FLT1: variants seen among roughly 807,000 people sequenced by gnomAD.
The protein encoded by FLT1 is vascular endothelial growth factor receptor 1.
FLT1 carries 49 observed loss-of-function variants against 156.3 expected under a neutral mutation model. The observed-to-expected ratio is 0.31, with a 90% CI of 0.25 to 0.40. The LOEUF (loss-of-function observed/expected upper bound fraction) is 0.40, where lower values mean the gene tolerates loss of function less well. FLT1 is among the 10% of genes least tolerant of loss of function. The probability of loss-of-function intolerance (pLI) is 1.00; values close to 1 mark genes in which losing one functional copy is unlikely to be tolerated. For missense variants in FLT1, 1,322 were observed against 1,637.2 expected (o/e 0.81, Z 3.32); for synonymous variants, 594 against 583.8 (o/e 1.02, Z -0.25).
chr13:28,410,991 G>C (rs1876132680), intron 10 of FLT1, among the ~76,000 whole-genome samples: 2 of 152,194 alleles, frequency 1.3e-5, no homozygotes, highest in East Asian at 3.9e-4. Flanking sequence ...CTGGCTCAGA[G>C]TCACCTGTTA....
intron 1 of FLT1, among the ~76,000 whole-genome samples, chr13:28,492,077 C>CA (rs145737813): frequency 2.6e-5 from 4 of 151,036 alleles, no homozygotes; most frequent in Non-Finnish European, 5.9e-5. Context: ...CAATTTAGAC[C>CA]AAAAAAAAGT....
intron 15 of FLT1, among the ~76,000 whole-genome samples, chr13:28,349,442 ACACACACACACACACACATGCGCACACG>A (rs1328687982): frequency 6.7e-6 from 1 of 150,110 alleles, no homozygotes; most frequent in African/African-American, 2.5e-5. Context: ...ACACACACAC[ACACACACACACACACACATGCGCACACG>A]CACACACACA....
chr13:28,457,608 A>T (rs1879336851), intron 3 of FLT1, among the ~76,000 whole-genome samples: 1 of 152,252 alleles, frequency 6.6e-6, no homozygotes, highest in Admixed American at 6.5e-5. Flanking sequence ...GAATATTAGA[A>T]CTGGAAGGAC....
chr13:28,389,571 G>A, intron 13 of FLT1: 1 of 1,438,190 alleles, frequency 7.0e-7, no homozygotes, highest in Non-Finnish European at 9.1e-7. Flanking sequence ...CTGGGGCCCG[G>A]GGGTCTCATT....
intron 7 of FLT1, 85 bp downstream of exon 7, chr13:28,431,051 C>T: frequency 8.0e-7 from 1 of 1,256,254 alleles, no homozygotes; most frequent in Non-Finnish European, 1.2e-6. Context: ...TCTTGGCCAA[C>T]AGAAAACTGA....
chr13:28,454,804 G>T (rs1054666752), intron 3 of FLT1, among the ~76,000 whole-genome samples: 1 of 152,146 alleles, frequency 6.6e-6, no homozygotes, highest in African/African-American at 2.4e-5. Context: ...TAGCAAGCTT[G>T]CAGGACACAA....
intron 3 of FLT1, among the ~76,000 whole-genome samples, chr13:28,440,647 T>C (rs759210109): frequency 5.9e-5 from 9 of 152,082 alleles, no homozygotes; most frequent in Non-Finnish European, 1.2e-4. Flanking sequence ...AGGGAGGTGG[T>C]TCAGAGTACG....
chr13:28,309,908 G>A (rs1396581062), intron 27 of FLT1, among the ~76,000 whole-genome samples: 4 of 23,146 alleles, frequency 1.7e-4, no homozygotes, highest in Non-Finnish European at 3.3e-4. Context: ...TTTTTTTTTG[G>A]AGACAGAGCC....
intron 13 of FLT1, chr13:28,389,161 C>G: frequency 4.7e-6 from 5 of 1,056,090 alleles, no homozygotes; most frequent in Non-Finnish European, 5.7e-6. Flanking sequence ...AAAAAAAAAG[C>G]ATTTTCAAAT....
chr13:28,486,139 C>G (rs891260675), intron 1 of FLT1, among the ~76,000 whole-genome samples: 1 of 152,164 alleles, frequency 6.6e-6, no homozygotes, highest in Non-Finnish European at 1.5e-5. Context: ...AATAAAAGCA[C>G]CAAAGTGGAG....
At chr13:28,456,531 C>T (rs2137598469) in intron 3 of FLT1, among the ~76,000 whole-genome samples, 1 of 152,232 alleles carries the variant, frequency 6.6e-6, no homozygotes, top group Non-Finnish European at 1.5e-5. Context: ...GGCACAGTGG[C>T]TCATGCCTGT....
chr13:28,323,456 A>G (rs890282189), intron 20 of FLT1, among the ~76,000 whole-genome samples: 7 of 152,152 alleles, frequency 4.6e-5, no homozygotes, highest in African/African-American at 1.4e-4. Flanking sequence ...GTTTGAGATC[A>G]GCCTGACCAA....
intron 17 of FLT1, among the ~76,000 whole-genome samples, chr13:28,334,893 G>A (rs76818116): frequency 6.6e-6 from 1 of 151,978 alleles, no homozygotes; most frequent in Non-Finnish European, 1.5e-5. Context: ...TACTCTGGGG[G>A]GCAAGGACCA....
In FLT1 at chr13:28,301,857, G is replaced by C. The variant is rs1467238990; in HGVS notation, c.*1310C>G. On this transcript the variant is annotated 3_prime_UTR_variant, in exon 30 of 30. Coordinates refer to ENST00000282397, the MANE Select transcript of FLT1 (RefSeq NM_002019.4). ...GTGATGGCTCATTAACTAATATCCT[G>C]AGTCCCAACTGGAGAAATACCTTGC... 3 of 233,404 alleles carry C rather than the reference G, an allele frequency of 1.3e-5. No individual in the cohort carries two copies. The highest frequency in any genetic ancestry group is 6.0e-5 in the East Asian group (1 of 16,584). The allele number at this position is 233,404 out of a possible 1,614,324, so 14.5% of individuals were successfully genotyped here. A position where few individuals can be genotyped will look rare whatever the true frequency, so the allele number is the denominator to read the frequency against.
chr13:28,356,656 GA>G lies in FLT1; in HGVS notation c.2248+897del, dbSNP rs538203452. Among the ~76,000 whole-genome samples the G allele has an allele frequency of 2.2e-4, 34 of 152,228 alleles. 1 individual carries two copies. In the South Asian group the frequency reaches 4.8e-3, roughly 21 times the overall value. On this transcript the variant is annotated intron_variant, in intron 15 of 29. Transcript: ENST00000282397. ...ATTTAAGCAATGTAAGTTTCAGGGG[GA>G]AAAAAACTGAAGTACGTTGCCTTCT... is the stretch of plus-strand genomic sequence containing the variant.
chr13:28,478,687 T>C (rs1880682910), intron 1 of FLT1, among the ~76,000 whole-genome samples: 2 of 152,324 alleles, frequency 1.3e-5, no homozygotes, highest in African/African-American at 4.8e-5. Flanking sequence ...GCTGTTAAAC[T>C]ACCATAAAAT....
chr13:28,409,722 C>A (rs952500760), intron 10 of FLT1, among the ~76,000 whole-genome samples: 3 of 152,126 alleles, frequency 2.0e-5, no homozygotes, highest in African/African-American at 7.2e-5. Context: ...GACCCCAACA[C>A]CATAAGTAAC....
chr13:28,445,206 G>C (rs1878544241), intron 3 of FLT1, among the ~76,000 whole-genome samples: 1 of 152,280 alleles, frequency 6.6e-6, no homozygotes, highest in South Asian at 2.1e-4. Flanking sequence ...GCCAGGTGCA[G>C]TGGCTCATGC....
chr13:28,494,773 G>T lies in FLT1; in HGVS notation c.64+7C>A. Reference sequence around the variant, plus strand: ...GCCTCAGGCCCCGGCCCCCAGCCGCGCCTCACCTGTGAGAAGCAGACAGCT... The same window carrying T: ...GCCTCAGGCCCCGGCCCCCAGCCGCTCCTCACCTGTGAGAAGCAGACAGCT... On this transcript the variant is annotated splice_region_variant and intron_variant, in intron 1 of 29. Transcript: ENST00000282397. 3 of 1,556,880 alleles carry T rather than the reference G, an allele frequency of 1.9e-6. No individual in the cohort carries two copies. The highest frequency in any genetic ancestry group is 2.6e-6 in the Non-Finnish European group (3 of 1,156,238).
Sources: gnomAD v4.1 joint callset for allele counts (sites outside exome capture counted in the v4.1 genomes callset) on GRCh38, gnomAD v4.1.1 for gene constraint, MANE v1.5 for transcripts, NCBI Gene and HGNC (gene_info 2026-07-23, HGNC 2026-07-21) for gene names.